Variants in ZFHX3 observed in about 807,000 individuals in gnomAD.
ZFHX3 encodes the protein zinc finger homeobox 3.
A neutral mutation model predicts 279.1 loss-of-function variants in ZFHX3; 42 were observed. The observed-to-expected ratio is 0.15, with a 90% CI of 0.12 to 0.19. The LOEUF (loss-of-function observed/expected upper bound fraction) is 0.19. Ranked by LOEUF, ZFHX3 falls within the 10% of genes least tolerant of loss-of-function variation. The probability of loss-of-function intolerance (pLI) is 1.00; values close to 1 mark genes in which losing one functional copy is unlikely to be tolerated. For missense variants in ZFHX3, 4,981 were observed against 4,754.0 expected (o/e 1.05, Z -1.40); for synonymous variants, 2,293 against 1,957.8 (o/e 1.17, Z -4.52).
intron 9 of ZFHX3, 139 bp from the exon 10 acceptor site, chr16:72,788,987 CAG>C: frequency 1.6e-6 from 2 of 1,289,714 alleles, no homozygotes; most frequent in South Asian, 3.8e-5. Context: ...ACATTTCCAA[CAG>C]AAGTATCCCA....
intron 1 of ZFHX3, among the ~76,000 whole-genome samples, chr16:72,970,150 C>T (rs986053501): frequency 2.6e-5 from 4 of 151,758 alleles, no homozygotes; most frequent in South Asian, 4.2e-4. Flanking sequence ...AGGAGAGAGT[C>T]GTGACAGCGG....
chr16:73,690,444 C>T (rs934653030), intron 1 of ZFHX3, among the ~76,000 whole-genome samples: 4 of 152,196 alleles, frequency 2.6e-5, no homozygotes, highest in Non-Finnish European at 5.9e-5. Flanking sequence ...TCCTCAAAAA[C>T]TTTTCAAGGA....
intron 3 of ZFHX3, among the ~76,000 whole-genome samples, chr16:72,896,720 T>C (rs2038910359): frequency 2.0e-5 from 3 of 152,196 alleles, no homozygotes; most frequent in Admixed American, 1.3e-4. Context: ...TTGATTTCTA[T>C]AAATCTGGAG....
At chr16:73,092,783 T>C (rs548276138) in intron 8 of ZFHX3, 1 of 378,028 alleles carries the variant, frequency 2.6e-6, no homozygotes, top group Non-Finnish European at 5.2e-6. Context: ...CTGCTATTTA[T>C]GGGTTGCTTG....
intron 2 of ZFHX3, among the ~76,000 whole-genome samples, chr16:73,516,331 G>C (rs1239330363): frequency 6.6e-6 from 1 of 152,148 alleles, no homozygotes; most frequent in East Asian, 1.9e-4. Context: ...AAGAAAATAC[G>C]AGTGTGTGTG....
chr16:73,024,991 C>T (rs775503765), intron 1 of ZFHX3, among the ~76,000 whole-genome samples: 4 of 152,144 alleles, frequency 2.6e-5, no homozygotes, highest in African/African-American at 4.8e-5. Flanking sequence ...CTCCTGGAGA[C>T]GAGACATTCC....
At chr16:72,922,409 T>C (rs4788678) in intron 3 of ZFHX3, among the ~76,000 whole-genome samples, 48,437 of 152,050 alleles carry the variant, frequency 0.32, 8,315 homozygotes, top group African/African-American at 0.42. Context: ...CTCTATCAGC[T>C]GAAGTTCATC....
intron 1 of ZFHX3, among the ~76,000 whole-genome samples, chr16:72,982,433 C>A (rs1962648226): frequency 6.6e-6 from 1 of 152,156 alleles, no homozygotes; most frequent in African/African-American, 2.4e-5. Context: ...GAATCACCAA[C>A]TCACAGAGAA....
chr16:73,171,340 G>T (rs1477727576), intron 5 of ZFHX3, among the ~76,000 whole-genome samples: 1 of 152,150 alleles, frequency 6.6e-6, no homozygotes, highest in Non-Finnish European at 1.5e-5. Flanking sequence ...GGAAACTGTA[G>T]GGTCAGGCAC....
chr16:73,569,237 T>C (rs1210635984), intron 2 of ZFHX3, among the ~76,000 whole-genome samples: 1 of 152,188 alleles, frequency 6.6e-6, no homozygotes, highest in Non-Finnish European at 1.5e-5. Context: ...TTCCTGTCGT[T>C]ACCAATGCAA....
chr16:73,766,996 C>T (rs1433876399), intron 1 of ZFHX3, among the ~76,000 whole-genome samples: 4 of 148,974 alleles, frequency 2.7e-5, no homozygotes, highest in Admixed American at 6.8e-5. Flanking sequence ...AGTGCACTGG[C>T]GCGATCTCAG....
intron 1 of ZFHX3, among the ~76,000 whole-genome samples, chr16:72,965,344 T>C (rs1275056619): frequency 6.6e-6 from 1 of 152,116 alleles, no homozygotes. Flanking sequence ...CTTTTCTTGC[T>C]TGAGAGTGAT....
chr16:73,837,363 G>T lies in ZFHX3; in HGVS notation c.-1608+54288C>A, dbSNP rs114031451. ...CATCAAAATGTGATTACTGCTCTTT[G>T]ACTAACAGGCTGTGATCTTCCATCC... On this transcript the variant is annotated intron_variant, in intron 1 of 17. Coordinates refer to the ZFHX3 transcript ENST00000641206. Among the ~76,000 whole-genome samples the T allele has an allele frequency of 2.2e-3, 342 of 152,242 alleles. 4 individuals carry two copies. The highest frequency in any genetic ancestry group is 8.0e-3 in the African/African-American group (333 of 41,526).
intron 7 of ZFHX3, among the ~76,000 whole-genome samples, chr16:73,096,565 G>A (rs898000973): frequency 2.9e-4 from 42 of 145,834 alleles, no homozygotes; most frequent in Non-Finnish European, 5.0e-4. Flanking sequence ...ATGAAGCCCA[G>A]CTAATTTTTT....
intron 3 of ZFHX3, among the ~76,000 whole-genome samples, chr16:73,452,928 A>C (rs2018301440): frequency 6.6e-6 from 1 of 152,198 alleles, no homozygotes; most frequent in South Asian, 2.1e-4. Context: ...TCTCTTTCTC[A>C]AAGAGGTTAC....
intron 1 of ZFHX3, among the ~76,000 whole-genome samples, chr16:73,031,271 C>T (rs74030214): frequency 1.0e-3 from 155 of 151,526 alleles, no homozygotes; most frequent in African/African-American, 3.5e-3. Context: ...ACCAAAAAAG[C>T]CTGGCGGCGG....
intron 3 of ZFHX3, among the ~76,000 whole-genome samples, chr16:73,426,204 C>CAATT (rs1339333407): frequency 6.6e-6 from 1 of 152,164 alleles, no homozygotes; most frequent in African/African-American, 2.4e-5. Flanking sequence ...CTGGTGGGGC[C>CAATT]AATTAATCAC....
At position 72,794,901 on chromosome 16, in the gene ZFHX3, G is replaced by A; in HGVS notation, c.7781C>T (p.Pro2594Leu). Reference sequence around the variant, plus strand: ...AGTGGCTGAGCTTGCTGGAATCTGAGGTATGGCCCCAGAGAGCAGCTGGCT... The same window carrying A: ...AGTGGCTGAGCTTGCTGGAATCTGAAGTATGGCCCCAGAGAGCAGCTGGCT... ...LASQLLSGAI[P>L]QIPASSATSP... Residue 2594 changes from proline to leucine, a missense_variant, in exon 9 of 10, where the codon CCT becomes CTT. Around this residue, in one of 7 missense-constraint regions of ZFHX3, gnomAD observed 744 missense variants for 701.3 expected, o/e 1.06. Transcript: ENST00000268489. The surrounding 1 kb of genome is among the most constrained non-coding windows in gnomAD (Gnocchi z 4.2). 1 of 1,614,094 alleles carries A rather than the reference G, an allele frequency of 6.2e-7. No individual in the cohort carries two copies. Among genetic ancestry groups the A allele is most frequent in the South Asian group, 1.1e-5 (1 of 91,088 alleles).
At chr16:73,338,652 C>T (rs903092505) in intron 3 of ZFHX3, among the ~76,000 whole-genome samples, 24 of 152,292 alleles carry the variant, frequency 1.6e-4, no homozygotes, top group African/African-American at 3.6e-4. Flanking sequence ...CATGCACCCC[C>T]ACCCCTGCCA....
Sources: gnomAD v4.1 joint callset for allele counts (sites outside exome capture counted in the v4.1 genomes callset) on GRCh38, gnomAD v4.1.1 for gene constraint, gnomAD v4.1.1 regional missense constraint, Gnocchi (gnomAD v3.1) non-coding constraint, MANE v1.5 for transcripts, NCBI Gene and HGNC (gene_info 2026-07-23, HGNC 2026-07-21) for gene names.